Variants in PCDH11X observed in about 807,000 individuals in gnomAD.
PCDH11X encodes the protein protocadherin-11 X-linked.
Under a neutral mutation model 53.3 loss-of-function variants are expected in PCDH11X, and 18 were observed. The observed-to-expected ratio is 0.34, with a 90% CI of 0.23 to 0.50. The LOEUF (loss-of-function observed/expected upper bound fraction) is 0.50, where lower values mean the gene tolerates loss of function less well. Ranked by LOEUF, PCDH11X falls within the 20% of genes least tolerant of loss-of-function variation. PCDH11X has a pLI of 0.98. For missense variants in PCDH11X, 570 were observed against 1,032.4 expected, an observed-to-expected ratio of 0.55 and a Z score of 6.14; for synonymous variants, 279 against 393.3, an observed-to-expected ratio of 0.71 and a Z score of 3.44.
chrX:92,580,837 A>G (rs1431744383), intron 10 of PCDH11X, among the ~76,000 whole-genome samples: 1 of 110,785 alleles, frequency 9.0e-6, no homozygotes, highest in Non-Finnish European at 1.9e-5. Flanking sequence ...TAACACAATC[A>G]CTCACTGCCT....
At chrX:91,858,543 A>T (rs755794685) in intron 5 of PCDH11X, among the ~76,000 whole-genome samples, 1 of 111,818 alleles carries the variant, frequency 8.9e-6, no homozygotes, top group East Asian at 2.8e-4. Context: ...GTTCAAAACC[A>T]TATTGTAGTG....
At chrX:92,481,288 ACACACACACACCC>A (rs371792561) in intron 10 of PCDH11X, among the ~76,000 whole-genome samples, 19,821 of 105,161 alleles carry the variant, frequency 0.19, 1,804 homozygotes, top group Non-Finnish European at 0.26. Context: ...CAGGGTTCAC[ACACACACACACCC>A]CACACACACA....
chrX:92,321,485 C>G (rs1267790579), intron 8 of PCDH11X, among the ~76,000 whole-genome samples: 1 of 111,040 alleles, frequency 9.0e-6, no homozygotes, highest in Non-Finnish European at 1.9e-5. Context: ...CGTGAGCCAC[C>G]GCGCCCGGCC....
intron 10 of PCDH11X, among the ~76,000 whole-genome samples, chrX:92,605,341 G>A (rs996817453): frequency 9.0e-6 from 1 of 111,081 alleles, no homozygotes; most frequent in African/African-American, 3.3e-5. Flanking sequence ...AACAACAAGA[G>A]AAATTCCAAA....
intron 4 of PCDH11X, among the ~76,000 whole-genome samples, chrX:91,823,784 T>G (rs1431260766): frequency 9.0e-6 from 1 of 111,666 alleles, no homozygotes; most frequent in Non-Finnish European, 1.9e-5. Flanking sequence ...AGTCTTTACA[T>G]TTTGGCATGA....
At chrX:91,921,575 T>C (rs759044045) in intron 6 of PCDH11X, among the ~76,000 whole-genome samples, 8 of 107,516 alleles carry the variant, frequency 7.4e-5, no homozygotes, top group African/African-American at 2.4e-4. Context: ...TGTAGCCATT[T>C]CCAATTAACT....
intron 8 of PCDH11X, among the ~76,000 whole-genome samples, chrX:92,357,086 T>G (rs1055866846): frequency 5.7e-5 from 6 of 104,553 alleles, no homozygotes; most frequent in African/African-American, 1.8e-4. Context: ...ATGGCCTTTT[T>G]TATTTTTTCT....
chrX:92,347,758 C>G (rs1343314329), intron 8 of PCDH11X, among the ~76,000 whole-genome samples: 1 of 111,547 alleles, frequency 9.0e-6, no homozygotes, highest in African/African-American at 3.3e-5. Context: ...TTTAAAAACC[C>G]TTTATTGTTC....
At chrX:92,600,485 G>GCCT (rs1926107364) in intron 10 of PCDH11X, among the ~76,000 whole-genome samples, 1 of 111,376 alleles carries the variant, frequency 9.0e-6, no homozygotes, top group Non-Finnish European at 1.9e-5. Flanking sequence ...TCTTACATGT[G>GCCT]GTATTGGGCC....
At chrX:92,086,715 G>A (rs190733005) in intron 6 of PCDH11X, among the ~76,000 whole-genome samples, 3 of 110,510 alleles carry the variant, frequency 2.7e-5, no homozygotes, top group East Asian at 2.9e-4. Flanking sequence ...GAAAGACAAC[G>A]ACCCAGATGT....
At chrX:92,183,985 T>A (rs758953627) in intron 6 of PCDH11X, among the ~76,000 whole-genome samples, 83 of 111,600 alleles carry the variant, frequency 7.4e-4, no homozygotes, top group Admixed American at 1.2e-3. Context: ...AGACTATTTT[T>A]TTTTTTTGTT....
At chrX:92,092,299 G>A (rs2064062401) in intron 6 of PCDH11X, among the ~76,000 whole-genome samples, 1 of 111,583 alleles carries the variant, frequency 9.0e-6, no homozygotes, top group Non-Finnish European at 1.9e-5. Context: ...GAAGACACCA[G>A]CCTTACTCTA....
intron 6 of PCDH11X, among the ~76,000 whole-genome samples, chrX:92,131,783 A>G (rs1451949256): frequency 9.1e-6 from 1 of 110,111 alleles, no homozygotes; most frequent in East Asian, 2.9e-4. Context: ...CTGCTAAATC[A>G]CGGAGGTTTG....
intron 10 of PCDH11X, among the ~76,000 whole-genome samples, chrX:92,492,382 A>G (rs1351800198): frequency 8.9e-6 from 1 of 111,890 alleles, no homozygotes; most frequent in Non-Finnish European, 1.9e-5. Context: ...TTGAATTTGC[A>G]TTTTCCAGCA....
intron 6 of PCDH11X, among the ~76,000 whole-genome samples, chrX:92,182,451 G>A (rs1383155542): frequency 3.6e-5 from 4 of 111,586 alleles, no homozygotes; most frequent in Non-Finnish European, 7.5e-5. Context: ...AGATTGTTGG[G>A]AAGGCATGAT....
intron 8 of PCDH11X, among the ~76,000 whole-genome samples, chrX:92,334,304 G>T (rs1340071722): frequency 9.0e-6 from 1 of 111,356 alleles, no homozygotes; most frequent in African/African-American, 3.3e-5. Context: ...CAAACATAAA[G>T]ATGTAGTATT....
At chrX:92,591,469 A>C (rs185483947) in intron 10 of PCDH11X, among the ~76,000 whole-genome samples, 242 of 110,760 alleles carry the variant, frequency 2.2e-3, no homozygotes, top group African/African-American at 7.5e-3. Flanking sequence ...TCTGTCATAA[A>C]GAGGGGTACC....
intron 6 of PCDH11X, among the ~76,000 whole-genome samples, chrX:92,121,190 C>G (rs2064757601): frequency 9.2e-6 from 1 of 108,286 alleles, no homozygotes; most frequent in African/African-American, 3.4e-5. Context: ...GAGCCTTGCT[C>G]TGTCACCCAG....
intron 6 of PCDH11X, among the ~76,000 whole-genome samples, chrX:91,920,120 T>C (rs1357684784): frequency 8.9e-6 from 1 of 111,809 alleles, no homozygotes; most frequent in Non-Finnish European, 1.9e-5. Context: ...AAAAACACAT[T>C]TTATTCCCTT....
Sources: allele counts gnomAD v4.1 joint callset (sites outside exome capture counted in the v4.1 genomes callset), GRCh38; gene constraint gnomAD v4.1.1; transcripts MANE v1.5; gene names NCBI Gene and HGNC (gene_info 2026-07-23, HGNC 2026-07-21).